MIER1: variants seen among roughly 807,000 people sequenced by gnomAD.
The protein encoded by MIER1 is mesoderm induction early response protein 1.
A neutral mutation model predicts 75.7 loss-of-function variants in MIER1; 40 were observed. The observed-to-expected ratio is 0.53, with a 90% confidence interval of 0.41 to 0.69. MIER1 has a LOEUF of 0.69. Among genes scored for constraint, MIER1 ranks in the 30% least tolerant of loss-of-function variants. MIER1 has a pLI of 0.00. For missense variants in MIER1, 574 were observed against 680.2 expected (o/e 0.84, Z 1.74); for synonymous variants, 213 against 223.4 (o/e 0.95, Z 0.42).
chr1:66,933,229 A>T (rs1044542847), intron 2 of MIER1, among the ~76,000 whole-genome samples: 1 of 152,188 alleles, frequency 6.6e-6, no homozygotes. Context: ...ATGAGAGAAA[A>T]AATGAGAGGA....
intron 2 of MIER1, among the ~76,000 whole-genome samples, chr1:66,936,723 G>A (rs1054887123): frequency 1.8e-4 from 28 of 152,040 alleles, no homozygotes; most frequent in Admixed American, 9.2e-4. Flanking sequence ...AAGAGAGGCC[G>A]GGTGCGGTGG....
chr1:66,985,814 A>ATTTTT lies in MIER1; in HGVS notation c.*933_*937dup. On this transcript the variant is annotated 3_prime_UTR_variant, in exon 14 of 14. Transcript: ENST00000401041. ...TAAAGCATTCATAAAGGATTATAAA[A>ATTTTT]TTTTTTTTTTTTTTTTTTTTTTTAA... 7 of 629,856 alleles carry ATTTTT rather than the reference A, an allele frequency of 1.1e-5. No individual in the cohort carries two copies. Among genetic ancestry groups the ATTTTT allele is most frequent in the Non-Finnish European group, 1.4e-5 (7 of 517,350 alleles). The allele number at this position is 629,856 out of a possible 1,614,324, so 39.0% of individuals were successfully genotyped here. A position where few individuals can be genotyped will look rare whatever the true frequency, so the allele number is the denominator to read the frequency against.
rs1008994474 is a variant in MIER1 at position 66,934,402 on chromosome 1, TTTC to T, written c.169-5623_169-5621del. On this transcript the variant is annotated intron_variant, in intron 2 of 13. Transcript: ENST00000401041. ...CTAGTGCTTATTTTCTTTTTCTTTC[TTTC>T]TTTTTTTTTTTTTTTTGAGACAGGG... Among the ~76,000 whole-genome samples the T allele has an allele frequency of 2.0e-4, 16 of 81,362 alleles. No individual in the cohort carries two copies. In the East Asian group the frequency reaches 2.0e-3, roughly 10 times the overall value. 53.4% of individuals were successfully genotyped at this position (81,362 alleles called of 152,430 possible).
chr1:66,963,630 C>T (rs1006455754), intron 8 of MIER1, among the ~76,000 whole-genome samples: 3 of 152,274 alleles, frequency 2.0e-5, no homozygotes, highest in Middle Eastern at 6.8e-3. Flanking sequence ...GTACTTTGGA[C>T]CAGGTGCCGT....
At chr1:66,954,478 A>G (rs1022239882) in intron 4 of MIER1, among the ~76,000 whole-genome samples, 1 of 152,152 alleles carries the variant, frequency 6.6e-6, no homozygotes, top group Admixed American at 6.5e-5. Context: ...TGTCTGCTCT[A>G]ATCAGGGTGA....
intron 2 of MIER1, among the ~76,000 whole-genome samples, chr1:66,931,187 C>CT (rs564125300): frequency 1.3e-5 from 2 of 152,066 alleles, no homozygotes; most frequent in South Asian, 2.1e-4. Context: ...CCTAAAGCCC[C>CT]TTTTTTTGAT....
chr1:66,943,711 C>A (rs1013153679), intron 3 of MIER1, among the ~76,000 whole-genome samples: 2 of 152,104 alleles, frequency 1.3e-5, no homozygotes, highest in Admixed American at 6.5e-5. Context: ...TGAGCCACTG[C>A]GCCTGGCCTA....
intron 3 of MIER1, among the ~76,000 whole-genome samples, chr1:66,944,278 G>GTACA (rs1656949926): frequency 6.6e-6 from 1 of 151,708 alleles, no homozygotes; most frequent in South Asian, 2.1e-4. Flanking sequence ...ATCTATTAAT[G>GTACA]TCTAACCATC....
intron 11 of MIER1, among the ~76,000 whole-genome samples, chr1:66,974,000 A>G (rs1664195390): frequency 6.6e-6 from 1 of 151,950 alleles, no homozygotes; most frequent in Admixed American, 6.6e-5. Flanking sequence ...TTTTTGACAC[A>G]TATTTAATAT....
chr1:66,945,080 G>C (rs1257614557), intron 3 of MIER1, among the ~76,000 whole-genome samples: 5 of 152,044 alleles, frequency 3.3e-5, no homozygotes, highest in South Asian at 2.1e-4. Flanking sequence ...GAGTGCAGCT[G>C]TGTCTTCACT....
At chr1:66,945,829 C>T (rs929685609) in intron 3 of MIER1, among the ~76,000 whole-genome samples, 2 of 151,916 alleles carry the variant, frequency 1.3e-5, no homozygotes, top group African/African-American at 4.8e-5. Flanking sequence ...TGGGACAGAG[C>T]GAGACCCTGT....
chr1:66,952,715 C>T (rs1659244083), intron 4 of MIER1, among the ~76,000 whole-genome samples: 1 of 152,220 alleles, frequency 6.6e-6, no homozygotes, highest in South Asian at 2.1e-4. Flanking sequence ...GATCTTGGCT[C>T]ACTGCAGCCT....
intron 12 of MIER1, among the ~76,000 whole-genome samples, chr1:66,977,111 TTC>T (rs1254332999): frequency 1.3e-5 from 2 of 151,926 alleles, no homozygotes; most frequent in African/African-American, 4.8e-5. Flanking sequence ...AGTTTTAATC[TTC>T]TTTTTTTTTT....
At chr1:66,929,186 C>A in intron 2 of MIER1, 1 of 579,642 alleles carries the variant, frequency 1.7e-6, no homozygotes, top group South Asian at 1.8e-5. Context: ...TGTATATGTA[C>A]ACATTTATGC....
At chr1:66,933,138 C>G (rs773111885) in intron 2 of MIER1, among the ~76,000 whole-genome samples, 3 of 152,084 alleles carry the variant, frequency 2.0e-5, no homozygotes, top group Non-Finnish European at 2.9e-5. Flanking sequence ...TACCAACCTT[C>G]TAAAAGGACG....
chr1:66,939,896 T>C (rs1570156357), intron 2 of MIER1, 132 bp from the exon 3 acceptor site: 4 of 647,596 alleles, frequency 6.2e-6, no homozygotes, highest in African/African-American at 3.7e-5. Context: ...ATGCAGACAT[T>C]AAAACTAAAA....
rs1224426547 is a variant in MIER1, at chr1:66,988,471, GTCATGTACCCT to G, written c.*3573_*3583del. 2 of 152,174 alleles carry G rather than the reference GTCATGTACCCT, an allele frequency of 1.3e-5. No individual in the cohort carries two copies. The highest frequency in any genetic ancestry group is 4.8e-5 in the African/African-American group (2 of 41,384). 9.4% of individuals were successfully genotyped at this position (152,174 alleles called of 1,614,324 possible). ...TAATACCAGTTTTCCATAAACTCTTGTCATGTACCCTTAGTATTGTGCTGATCTTTTGCCAA... is the reference window on the plus strand; with the variant it reads ...TAATACCAGTTTTCCATAAACTCTTGTAGTATTGTGCTGATCTTTTGCCAA... On this transcript the variant is annotated 3_prime_UTR_variant, in exon 14 of 14. Transcript: ENST00000401041.
At chr1:66,977,847 CT>C (rs1452745784) in intron 12 of MIER1, among the ~76,000 whole-genome samples, 1 of 152,008 alleles carries the variant, frequency 6.6e-6, no homozygotes, top group Non-Finnish European at 1.5e-5. Flanking sequence ...AAAAAATTGA[CT>C]TTGTCAATGT....
chr1:66,936,644 T>C (rs932879250), intron 2 of MIER1, among the ~76,000 whole-genome samples: 1 of 152,158 alleles, frequency 6.6e-6, no homozygotes, highest in Non-Finnish European at 1.5e-5. Context: ...CTGATAAGTC[T>C]GACATGACAG....
Sources: gnomAD v4.1 joint callset for allele counts (sites outside exome capture counted in the v4.1 genomes callset) on GRCh38, gnomAD v4.1.1 for gene constraint, MANE v1.5 for transcripts, NCBI Gene and HGNC (gene_info 2026-07-23, HGNC 2026-07-21) for gene names.